AGBL4: variants seen among roughly 807,000 people sequenced by gnomAD.
The protein encoded by AGBL4 is AGBL carboxypeptidase 4.
Under a neutral mutation model 66.4 loss-of-function variants are expected in AGBL4, and 58 were observed. The observed-to-expected ratio is 0.87, with a 90% CI of 0.71 to 1.09. The LOEUF is 1.09. Ranked by LOEUF, AGBL4 falls within the 50% of genes least tolerant of loss-of-function variation. The pLI is 0.00. For missense variants in AGBL4, 579 were observed against 631.0 expected (o/e 0.92, Z 0.88); for synonymous variants, 234 against 222.9 (o/e 1.05, Z -0.44).
chr1:49,796,494 C>T (rs1215668703), intron 2 of AGBL4, among the ~76,000 whole-genome samples: 2 of 150,922 alleles, frequency 1.3e-5, no homozygotes, highest in Non-Finnish European at 3.0e-5. Flanking sequence ...GTTACAAAGA[C>T]TATTAAATTT....
intron 4 of AGBL4, among the ~76,000 whole-genome samples, chr1:49,123,987 G>A (rs941571170): frequency 2.6e-5 from 4 of 152,156 alleles, no homozygotes; most frequent in African/African-American, 4.8e-5. Flanking sequence ...GATAGAAGAT[G>A]TACTGATAGA....
chr1:49,285,707 G>A (rs1185678072), intron 3 of AGBL4, among the ~76,000 whole-genome samples: 3 of 152,154 alleles, frequency 2.0e-5, no homozygotes, highest in East Asian at 1.9e-4. Context: ...CAATCCCACA[G>A]AAATACAGAC....
intron 5 of AGBL4, among the ~76,000 whole-genome samples, chr1:48,928,761 A>G (rs1210526115): frequency 1.3e-5 from 2 of 151,952 alleles, no homozygotes; most frequent in Non-Finnish European, 2.9e-5. Context: ...GACATAATAT[A>G]TATAGGCATA....
At chr1:49,798,304 C>G (rs1373859788) in intron 2 of AGBL4, among the ~76,000 whole-genome samples, 1 of 152,076 alleles carries the variant, frequency 6.6e-6, no homozygotes, top group Non-Finnish European at 1.5e-5. Flanking sequence ...ATAAGTTAAG[C>G]AGTGTTAAGA....
At chr1:49,252,084 C>T (rs1652112080) in intron 3 of AGBL4, among the ~76,000 whole-genome samples, 1 of 151,974 alleles carries the variant, frequency 6.6e-6, no homozygotes, top group Non-Finnish European at 1.5e-5. Flanking sequence ...AAATAGCATT[C>T]AGAATATGGA....
At chr1:49,751,465 C>A (rs1042140495) in intron 2 of AGBL4, among the ~76,000 whole-genome samples, 2 of 152,152 alleles carry the variant, frequency 1.3e-5, no homozygotes, top group African/African-American at 2.4e-5. Context: ...TTTTAATGTG[C>A]TGCTGGATTT....
chr1:49,680,339 G>A (rs746256528), intron 3 of AGBL4, among the ~76,000 whole-genome samples: 13 of 142,810 alleles, frequency 9.1e-5, no homozygotes, highest in South Asian at 2.2e-4. Context: ...GTGAGCCATC[G>A]TGCCCAGCCA....
At chr1:49,449,813 G>T (rs1260333468) in intron 3 of AGBL4, among the ~76,000 whole-genome samples, 1 of 151,996 alleles carries the variant, frequency 6.6e-6, no homozygotes, top group Non-Finnish European at 1.5e-5. Context: ...TCAAAATCTT[G>T]TAGACAGCTT....
chr1:49,432,025 A>C (rs756596184), intron 3 of AGBL4, among the ~76,000 whole-genome samples: 2 of 152,144 alleles, frequency 1.3e-5, no homozygotes, highest in Non-Finnish European at 2.9e-5. Flanking sequence ...AAGCATGACA[A>C]AATAATGAAG....
intron 4 of AGBL4, among the ~76,000 whole-genome samples, chr1:49,067,485 C>T (rs575373224): frequency 5.9e-5 from 9 of 152,262 alleles, no homozygotes; most frequent in African/African-American, 2.2e-4. Flanking sequence ...TTGTAATACA[C>T]CAAGTTTATT....
chr1:48,655,745 C>T (rs116379434), intron 7 of AGBL4, among the ~76,000 whole-genome samples: 2,827 of 152,264 alleles, frequency 0.019, 39 homozygotes, highest in South Asian at 0.051. Flanking sequence ...AGTTGACTAA[C>T]AATGAAATTT....
chr1:49,528,658 G>A (rs1205887234), intron 3 of AGBL4, among the ~76,000 whole-genome samples: 1 of 152,056 alleles, frequency 6.6e-6, no homozygotes, highest in African/African-American at 2.4e-5. Flanking sequence ...CGTTTAGGTG[G>A]TACCCAAGGG....
chr1:49,365,495 T>C (rs1644225893), intron 3 of AGBL4, among the ~76,000 whole-genome samples: 1 of 151,058 alleles, frequency 6.6e-6, no homozygotes, highest in Non-Finnish European at 1.5e-5. Flanking sequence ...TTTATTATTA[T>C]AAATAATAAT....
Position 49,534,580 on chromosome 1 carries a change from T to C in AGBL4, c.282+162733A>G, listed in dbSNP as rs148955483. 2.2e-3 allele frequency among the ~76,000 whole-genome samples: 328 copies of C among 152,264 alleles called. 6 individuals are homozygous for C. Among genetic ancestry groups the C allele is most frequent in the Admixed American group, 0.02 (301 of 15,292 alleles). On this transcript the variant is annotated intron_variant, in intron 3 of 13. Transcript: ENST00000371839. Reference sequence around the variant, plus strand: ...AGACAGAAAAGGTCCATTATTTGCTTAATAGTATACATAGTAGCACTCAAT... The same window carrying C: ...AGACAGAAAAGGTCCATTATTTGCTCAATAGTATACATAGTAGCACTCAAT...
chr1:49,175,063 A>G (rs1646806914), intron 4 of AGBL4: 1 of 152,190 alleles, frequency 6.6e-6, no homozygotes, highest in African/African-American at 2.4e-5. Context: ...GATTTTGTCC[A>G]AATTCCTTCA....
intron 5 of AGBL4, among the ~76,000 whole-genome samples, chr1:48,955,061 T>C (rs1423393608): frequency 2.0e-5 from 3 of 152,172 alleles, no homozygotes; most frequent in African/African-American, 7.2e-5. Context: ...ATTGGGCCTG[T>C]ATTTCCCTGT....
chr1:49,357,958 T>C (rs918349776), intron 3 of AGBL4, among the ~76,000 whole-genome samples: 2 of 152,144 alleles, frequency 1.3e-5, no homozygotes, highest in East Asian at 3.9e-4. Flanking sequence ...TCCATGTCTT[T>C]AGGCTCATCT....
chr1:49,261,160 A>G (rs1653120333), intron 3 of AGBL4, among the ~76,000 whole-genome samples: 1 of 151,890 alleles, frequency 6.6e-6, no homozygotes, highest in Admixed American at 6.6e-5. Context: ...GACATATCTC[A>G]AAATAATAAG....
chr1:48,609,477 A>C (rs1170719650), intron 9 of AGBL4, among the ~76,000 whole-genome samples: 13 of 152,186 alleles, frequency 8.5e-5, no homozygotes, highest in Admixed American at 8.5e-4. Flanking sequence ...GCTGGAGTGC[A>C]GGGGAACCAT....
Sources: allele counts gnomAD v4.1 joint callset (sites outside exome capture counted in the v4.1 genomes callset), GRCh38; gene constraint gnomAD v4.1.1; transcripts MANE v1.5; gene names NCBI Gene and HGNC (gene_info 2026-07-23, HGNC 2026-07-21).